The following SETDB1 variants were observed in gnomAD, a reference collection of about 807,000 sequenced individuals.
SETDB1 encodes SET domain bifurcated histone lysine methyltransferase 1.
SETDB1 carries 31 observed loss-of-function variants against 137.4 expected under a neutral mutation model. That is an observed-to-expected ratio of 0.23 (90% CI 0.17 to 0.30). The LOEUF is 0.30. SETDB1 is among the 10% of genes least tolerant of loss of function. The pLI is 1.00. For synonymous variants in SETDB1, 548 were observed against 579.9 expected, an observed-to-expected ratio of 0.95 and a Z score of 0.79; for missense variants, 1,113 against 1,631.5, an observed-to-expected ratio of 0.68 and a Z score of 5.47.
intron 3 of SETDB1, among the ~76,000 whole-genome samples, chr1:150,934,127 G>A (rs1571627359): frequency 6.6e-6 from 1 of 151,826 alleles, no homozygotes; most frequent in East Asian, 1.9e-4. Flanking sequence ...GGTTGCATCT[G>A]TACCTAATCA....
At chr1:150,929,894 A>G in intron 2 of SETDB1, 73 bp from the exon 3 acceptor site, 1 of 1,245,160 alleles carries the variant, frequency 8.0e-7, no homozygotes, top group Non-Finnish European at 1.1e-6. Context: ...AAATATATAT[A>G]CATCGTAATG....
At chr1:150,954,914 G>A (rs2102731449) in intron 14 of SETDB1, among the ~76,000 whole-genome samples, 1 of 152,324 alleles carries the variant, frequency 6.6e-6, no homozygotes, top group East Asian at 1.9e-4. Context: ...TGACAGTGCA[G>A]TGAAAGAGGC....
chr1:150,950,889 A>G lies in SETDB1; in HGVS notation c.2015A>G (p.Gln672Arg). ...TATGTTCTTGTGGACCGAAAGTTTCAGCCCTATAAGCCTTTTTACTATATT... is the reference window on the plus strand; with the variant it reads ...TATGTTCTTGTGGACCGAAAGTTTCGGCCCTATAAGCCTTTTTACTATATT... ...DPYVLVDRKFQPYKPFYYILD... is the reference protein window; with the variant it reads ...DPYVLVDRKFRPYKPFYYILD... Residue 672 changes from glutamine (Q) to arginine (R), a missense_variant, in exon 13 of 22, where the codon CAG (glutamine) becomes CGG (arginine). Physicochemically the swap from Gln to Arg is conservative, Grantham distance 43. Coordinates refer to ENST00000692827, the MANE Select transcript of SETDB1 (RefSeq NM_001366418.1). 6.2e-7 allele frequency: 1 copy of G among 1,614,152 alleles called. No individual in the cohort carries two copies. Among genetic ancestry groups the G allele is most frequent in the South Asian group, 1.1e-5 (1 of 91,084 alleles).
chr1:150,930,920 C>T (rs1669714389), intron 3 of SETDB1, among the ~76,000 whole-genome samples: 1 of 151,944 alleles, frequency 6.6e-6, no homozygotes, highest in Non-Finnish European at 1.5e-5. Flanking sequence ...CTTTCTTTTT[C>T]TTTTCTTATT....
At chr1:150,932,385 G>A (rs1473338787) in intron 3 of SETDB1, among the ~76,000 whole-genome samples, 1 of 152,062 alleles carries the variant, frequency 6.6e-6, no homozygotes, top group African/African-American at 2.4e-5. Context: ...GAGTTTGTAT[G>A]GAATGATATT....
intron 19 of SETDB1, 160 bp from the exon 20 acceptor site, chr1:150,963,370 C>G: frequency 1.3e-6 from 1 of 785,928 alleles, no homozygotes; most frequent in South Asian, 1.7e-5. Flanking sequence ...TCTAATTATG[C>G]TTGAAAAAAA....
intron 7 of SETDB1, 59 bp from the exon 8 acceptor site, chr1:150,943,861 G>T: frequency 9.7e-7 from 1 of 1,035,750 alleles, no homozygotes. Context: ...AATAATTTCT[G>T]TGGATCATGT....
chr1:150,942,653 G>T lies in SETDB1; in HGVS notation c.638G>T (p.Trp213Leu). Residue 213 changes from tryptophan to leucine, a missense_variant, in exon 6 of 22, where the codon TGG becomes TTG. Trp to Leu is a moderately conservative substitution (Grantham distance 61, BLOSUM62 -2). Coordinates refer to ENST00000692827, the MANE Select transcript of SETDB1 (RefSeq NM_001366418.1). ...RILGKKRTKT[W>L]HKGTLIAIQT... ...CTGGGCAAGAAGAGAACTAAGACTT[G>T]GCACAAAGGCACCCTTATTGCCATC... 6.2e-7 allele frequency: 1 copy of T among 1,613,708 alleles called. No homozygotes were observed. The highest frequency in any genetic ancestry group is 8.5e-7 in the Non-Finnish European group (1 of 1,179,898).
At chr1:150,961,956 G>A in intron 16 of SETDB1, 174 bp from the exon 17 acceptor site, 1 of 741,450 alleles carries the variant, frequency 1.3e-6, no homozygotes, top group Non-Finnish European at 2.4e-6. Flanking sequence ...AAAGGCTCCA[G>A]CCAGGGAGTG....
chr1:150,963,198 C>CATT, intron 19 of SETDB1, 59 bp downstream of exon 19: 1 of 1,498,160 alleles, frequency 6.7e-7, no homozygotes, highest in Non-Finnish European at 9.2e-7. Context: ...TGGGATAGAG[C>CATT]ATTTTTTAAG....
In SETDB1 at chr1:150,949,203, C is replaced by T. The variant is rs772235595; in HGVS notation, c.1349C>T (p.Pro450Leu). Residue 450 changes from proline (P) to leucine (L), a missense_variant, in exon 11 of 22, where the codon CCC becomes CTC. Pro to Leu is a moderately conservative substitution (Grantham distance 98). Coordinates refer to ENST00000692827, the MANE Select transcript of SETDB1 (RefSeq NM_001366418.1). ...GTGTQFKPVE[P>L]PQPTAPPAPP... ...GGAACCCAGTTCAAGCCAGTGGAACCCCCACAGCCTACAGCTCCACCTGCC... is the reference window on the plus strand; with the variant it reads ...GGAACCCAGTTCAAGCCAGTGGAACTCCCACAGCCTACAGCTCCACCTGCC... 1 of 1,613,960 alleles carries T rather than the reference C, an allele frequency of 6.2e-7. No individual in the cohort carries two copies. The highest frequency in any genetic ancestry group is 2.2e-5 in the East Asian group (1 of 44,884).
At position 150,964,723 on chromosome 1, in the gene SETDB1, A is replaced by G. The variant is rs893964549; in HGVS notation, c.*359A>G. 2.2e-4 allele frequency: 124 copies of G among 569,684 alleles called. No individual in the cohort carries two copies. Among genetic ancestry groups the G allele is most frequent in the South Asian group, 5.9e-4 (27 of 45,542 alleles). 35.3% of individuals were successfully genotyped at this position (569,684 alleles called of 1,614,324 possible). On this transcript the variant is annotated 3_prime_UTR_variant, in exon 22 of 22. Coordinates refer to ENST00000692827, the MANE Select transcript of SETDB1 (RefSeq NM_001366418.1). Reference sequence around the variant, plus strand: ...ATTATTTCTTGAAAGTCTTTTAACAATATGATAAAACTAAGATTGTGGTTT... The same window carrying G: ...ATTATTTCTTGAAAGTCTTTTAACAGTATGATAAAACTAAGATTGTGGTTT...
At position 150,944,907 on chromosome 1, in the gene SETDB1, C is replaced by T; in HGVS notation, c.950-11C>T. On this transcript the variant is annotated splice_polypyrimidine_tract_variant and intron_variant, in intron 8 of 21. Transcript: ENST00000692827. Reference sequence around the variant, plus strand: ...ACCTGCCCTCTCAGTTCTACTTCTTCCTTGAAACAGTGAAAAAGACTTGGG... The same window carrying T: ...ACCTGCCCTCTCAGTTCTACTTCTTTCTTGAAACAGTGAAAAAGACTTGGG... 1 of 1,614,002 alleles carries T rather than the reference C, an allele frequency of 6.2e-7. No individual in the cohort carries two copies. Among genetic ancestry groups the T allele is most frequent in the East Asian group, 2.2e-5 (1 of 44,882 alleles).
chr1:150,964,038 A>G lies in SETDB1; in HGVS notation c.3716A>G (p.Asp1239Gly). 1.2e-6 allele frequency: 2 copies of G among 1,614,122 alleles called. No homozygotes were observed. Among genetic ancestry groups the G allele is most frequent in the Non-Finnish European group, 1.7e-6 (2 of 1,180,030 alleles). ...CTGTTTGTCCAGAATGTCTTCGTGG[A>G]TACCCATGATCTTCGCTTCCCCTGG... ...PNLFVQNVFV[D>G]THDLRFPWVA... Residue 1239 changes from aspartate (D) to glycine (G), a missense_variant, in exon 21 of 22, where the codon GAT becomes GGT. By Grantham distance (94) the Asp-to-Gly change is moderately conservative. This residue lies in a region of SETDB1 where 37 missense variants were observed against 123.2 expected (regional missense o/e 0.30). Transcript: ENST00000692827.
intron 3 of SETDB1, among the ~76,000 whole-genome samples, chr1:150,932,528 A>G (rs1571624904): frequency 6.6e-6 from 1 of 152,208 alleles, no homozygotes; most frequent in Non-Finnish European, 1.5e-5. Context: ...TAGAGTTCCT[A>G]TATATCCCTC....
At chr1:150,936,311 C>T (rs1417023022) in intron 3 of SETDB1, among the ~76,000 whole-genome samples, 1 of 152,040 alleles carries the variant, frequency 6.6e-6, no homozygotes, top group Non-Finnish European at 1.5e-5. Flanking sequence ...TTTATTTTAA[C>T]TTTTAATTTT....
chr1:150,949,587 G>A, intron 12 of SETDB1, 62 bp downstream of exon 12: 2 of 1,505,754 alleles, frequency 1.3e-6, no homozygotes, highest in Non-Finnish European at 1.8e-6. Flanking sequence ...TGTAGGGGAA[G>A]GTTCCTTGGC....
intron 10 of SETDB1, 66 bp from the exon 11 acceptor site, chr1:150,949,056 A>C: frequency 7.0e-7 from 1 of 1,427,694 alleles, no homozygotes; most frequent in Non-Finnish European, 9.8e-7. Flanking sequence ...TAAGGATCAG[A>C]TGTGTGACTG....
intron 3 of SETDB1, among the ~76,000 whole-genome samples, chr1:150,933,843 G>A (rs1669861861): frequency 7.4e-6 from 1 of 135,448 alleles, no homozygotes; most frequent in Admixed American, 8.2e-5. Context: ...GAGTGCAATG[G>A]CAGGATCTCT....
Sources: allele counts gnomAD v4.1 joint callset (sites outside exome capture counted in the v4.1 genomes callset), GRCh38; gene constraint gnomAD v4.1.1; regional missense constraint gnomAD v4.1.1; transcripts MANE v1.5; gene names NCBI Gene and HGNC (gene_info 2026-07-23, HGNC 2026-07-21).